Variants in MSR1 observed in about 807,000 individuals in gnomAD.
MSR1 encodes macrophage scavenger receptor types I and II.
In MSR1, 53 loss-of-function variants were observed where a neutral mutation model predicts 47.2. That is an observed-to-expected ratio of 1.12 (90% CI 0.90 to 1.41). MSR1 has a LOEUF of 1.41. Ranked by LOEUF, MSR1 falls within the 40% of genes most tolerant of loss-of-function variation. The probability of loss-of-function intolerance (pLI) is 0.00; values close to 1 mark genes in which losing one functional copy is unlikely to be tolerated. For missense variants in MSR1, 786 were observed against 546.9 expected, an observed-to-expected ratio of 1.44 and a Z score of -4.36; for synonymous variants, 239 against 185.6, an observed-to-expected ratio of 1.29 and a Z score of -2.34.
At chr8:16,189,516 TAAA>T (rs1220650171) in intron 1 of MSR1, among the ~76,000 whole-genome samples, 1 of 98,644 alleles carries the variant, frequency 1.0e-5, no homozygotes, top group Non-Finnish European at 1.7e-5. Context: ...TTTTTATATA[TAAA>T]AAATCATATT....
At chr8:16,179,832 G>A (rs114980282) in intron 1 of MSR1, among the ~76,000 whole-genome samples, 1,913 of 132,486 alleles carry the variant, frequency 0.014, 46 homozygotes, top group African/African-American at 0.05. Flanking sequence ...AGCCGACATT[G>A]CACCGCTGAA....
intron 8 of MSR1, among the ~76,000 whole-genome samples, chr8:16,136,794 G>A (rs961948753): frequency 2.0e-5 from 3 of 151,974 alleles, no homozygotes; most frequent in African/African-American, 7.3e-5. Flanking sequence ...GTAGAGACAG[G>A]GTTTCACCAT....
At chr8:16,142,932 C>A (rs1034970796) in intron 8 of MSR1, among the ~76,000 whole-genome samples, 9 of 152,096 alleles carry the variant, frequency 5.9e-5, no homozygotes, top group Admixed American at 3.3e-4. Flanking sequence ...TCAGCCTAGA[C>A]ACAACAATTG....
chr8:16,120,274 G>A (rs1799968076), intron 9 of MSR1, 144 bp downstream of exon 9: 2 of 832,068 alleles, frequency 2.4e-6, no homozygotes, highest in Middle Eastern at 2.4e-4. Flanking sequence ...CTACTAGGCA[G>A]GCTAAGGGAG....
intron 8 of MSR1, among the ~76,000 whole-genome samples, chr8:16,127,705 C>A (rs558449343): frequency 4.6e-5 from 7 of 152,222 alleles, no homozygotes; most frequent in Middle Eastern, 3.4e-3. Flanking sequence ...AAAGAGAGAG[C>A]GAGACTGAGT....
intron 6 of MSR1, among the ~76,000 whole-genome samples, chr8:16,151,111 A>T (rs1019194367): frequency 6.6e-6 from 1 of 152,000 alleles, no homozygotes. Context: ...TAGGCATCTT[A>T]TTTTGTCATT....
chr8:16,137,522 C>A (rs1398256306), intron 8 of MSR1, among the ~76,000 whole-genome samples: 5 of 152,052 alleles, frequency 3.3e-5, no homozygotes, highest in Non-Finnish European at 7.4e-5. Context: ...TATAAAAATA[C>A]ATAATACTAG....
At chr8:16,152,913 G>A (rs764348498) in intron 6 of MSR1, among the ~76,000 whole-genome samples, 3 of 152,028 alleles carry the variant, frequency 2.0e-5, no homozygotes, top group African/African-American at 7.2e-5. Flanking sequence ...CATAGTTTTT[G>A]AGTGAAAAGT....
At chr8:16,187,057 T>C (rs904874439) in intron 1 of MSR1, among the ~76,000 whole-genome samples, 1 of 151,964 alleles carries the variant, frequency 6.6e-6, no homozygotes, top group Non-Finnish European at 1.5e-5. Context: ...TGCCTTCTCG[T>C]CTCACTCAGG....
intron 8 of MSR1, chr8:16,140,738 T>C (rs2117107312): frequency 7.1e-7 from 1 of 1,411,722 alleles, no homozygotes; most frequent in East Asian, 2.6e-5. Flanking sequence ...GCATGAGAGG[T>C]GTCCAGGCTG....
chr8:16,170,679 T>C (rs1801458349), intron 3 of MSR1, among the ~76,000 whole-genome samples: 1 of 152,112 alleles, frequency 6.6e-6, no homozygotes, highest in Non-Finnish European at 1.5e-5. Flanking sequence ...AAACAACACA[T>C]GAAAAACATT....
intron 9 of MSR1, among the ~76,000 whole-genome samples, chr8:16,110,867 GGT>G (rs778893246): frequency 4.0e-5 from 6 of 151,120 alleles, no homozygotes; most frequent in Non-Finnish European, 7.4e-5. Context: ...ACAAAGCAAA[GGT>G]TTTCCTGAGC....
chr8:16,184,594 G>C (rs1366926947), intron 1 of MSR1, among the ~76,000 whole-genome samples: 1 of 152,028 alleles, frequency 6.6e-6, no homozygotes, highest in African/African-American at 2.4e-5. Flanking sequence ...AATTGATCTG[G>C]CTTTCACAAC....
intron 9 of MSR1, among the ~76,000 whole-genome samples, chr8:16,115,231 T>C (rs185349087): frequency 1.3e-5 from 2 of 152,310 alleles, no homozygotes; most frequent in East Asian, 1.9e-4. Flanking sequence ...ATGTACAATA[T>C]GATATGAACC....
intron 8 of MSR1, among the ~76,000 whole-genome samples, chr8:16,135,280 G>A (rs1410517513): frequency 6.6e-6 from 1 of 152,110 alleles, no homozygotes; most frequent in African/African-American, 2.4e-5. Context: ...TGCAGCCAGT[G>A]ACTTTAAGTT....
chr8:16,163,961 A>C (rs1408078284), intron 5 of MSR1, 104 bp downstream of exon 5: 1 of 931,404 alleles, frequency 1.1e-6, no homozygotes, highest in Non-Finnish European at 1.5e-6. Context: ...TAAGCTCAGA[A>C]ACTATTTATT....
At chr8:16,142,416 G>C (rs771644070) in intron 8 of MSR1, among the ~76,000 whole-genome samples, 2 of 152,058 alleles carry the variant, frequency 1.3e-5, no homozygotes, top group Non-Finnish European at 2.9e-5. Flanking sequence ...ATAGAATGGA[G>C]AAAAGACAGA....
intron 5 of MSR1, among the ~76,000 whole-genome samples, chr8:16,163,700 A>T (rs539572462): frequency 3.3e-5 from 5 of 151,806 alleles, no homozygotes; most frequent in Admixed American, 2.6e-4. Flanking sequence ...GTCAAGTAAG[A>T]AATAAAAAAG....
intron 8 of MSR1, 46 bp downstream of exon 8, chr8:16,143,512 A>T: frequency 6.5e-7 from 1 of 1,538,904 alleles, no homozygotes. Context: ...TCACAGACTT[A>T]CTTATTACAA....
Sources: allele counts gnomAD v4.1 joint callset (sites outside exome capture counted in the v4.1 genomes callset), GRCh38; gene constraint gnomAD v4.1.1; transcripts MANE v1.5; gene names NCBI Gene and HGNC (gene_info 2026-07-23, HGNC 2026-07-21).